SOD2: variants seen among roughly 807,000 people sequenced by gnomAD.
The protein encoded by SOD2 is superoxide dismutase [Mn], mitochondrial.
SOD2 carries 11 observed loss-of-function variants against 27.0 expected under a neutral mutation model. That is an observed-to-expected ratio of 0.41 (90% CI 0.26 to 0.67). The LOEUF is 0.67. Among genes scored for constraint, SOD2 ranks in the 30% least tolerant of loss-of-function variants. The probability of loss-of-function intolerance (pLI) is 0.34; values close to 1 mark genes in which losing one functional copy is unlikely to be tolerated. For synonymous variants in SOD2, 105 were observed against 103.0 expected (o/e 1.02, Z -0.12); for missense variants, 250 against 274.5 (o/e 0.91, Z 0.63).
chr6:159,727,411 C>T (rs1439215195), upstream of SOD2: 4 of 706,246 alleles, frequency 5.7e-6, no homozygotes, highest in Admixed American at 1.4e-4. Flanking sequence ...GAGGCAGTGG[C>T]GCTGGCCTGC....
chr6:159,688,117 T>TA lies in SOD2; in HGVS notation c.343+8dup, dbSNP rs1562421654. 1 of 1,477,740 alleles carries TA rather than the reference T, an allele frequency of 6.8e-7. No individual in the cohort carries two copies. The highest frequency in any genetic ancestry group is 1.1e-5 in the South Asian group (1 of 88,256). The allele number at this position is 1,477,740 out of a possible 1,614,324, so 91.5% of individuals were successfully genotyped here. A position where few individuals can be genotyped will look rare whatever the true frequency, so the allele number is the denominator to read the frequency against. On this transcript the variant is annotated intron_variant, in intron 3 of 4. Coordinates refer to ENST00000538183, the MANE Select transcript of SOD2 (RefSeq NM_000636.4). ...AAATGTAGATAAGGGTGCACCAATA[T>TA]ATACCAACCTTTGGGTTCTCCACCA...
chr6:159,702,826 G>A lies in SOD2; in HGVS notation c.-115-9963C>T, dbSNP rs572056713. ...GATGGCACCACTGCACTCCAGCCTG[G>A]GCGACAGAGCAAGACCCTATCTCGA... is the stretch of plus-strand genomic sequence containing the variant. On this transcript the variant is annotated intron_variant, in intron 1 of 2. Coordinates refer to the SOD2 transcript ENST00000401980. Among the ~76,000 whole-genome samples the A allele has an allele frequency of 2.6e-3, 373 of 143,918 alleles. 2 individuals carry two copies. The highest frequency in any genetic ancestry group is 9.4e-3 in the African/African-American group (358 of 38,214). 94.4% of individuals were successfully genotyped at this position (143,918 alleles called of 152,430 possible).
At chr6:159,740,194 T>G (rs1279467605) in intron 1 of SOD2, among the ~76,000 whole-genome samples, 1 of 152,124 alleles carries the variant, frequency 6.6e-6, no homozygotes, top group African/African-American at 2.4e-5. Context: ...TTTTAATGCC[T>G]TCTTACATAA....
At position 159,682,435 on chromosome 6, in the gene SOD2, T is replaced by G; in HGVS notation, c.*58A>C. On this transcript the variant is annotated 3_prime_UTR_variant, in exon 5 of 5. Coordinates refer to ENST00000538183, the MANE Select transcript of SOD2 (RefSeq NM_000636.4). ...CAGCTTACTGTATTCTGCAGTACTC[T>G]ATACCACTACAAAAACAGTCATAAA... The G allele has an allele frequency of 6.5e-7, 1 of 1,538,108 alleles. No individual in the cohort carries two copies.
chr6:159,717,179 G>A (rs1777935166), intron 1 of SOD2, among the ~76,000 whole-genome samples: 1 of 152,112 alleles, frequency 6.6e-6, no homozygotes, highest in South Asian at 2.1e-4. Flanking sequence ...TTGACTCTGA[G>A]CTACCCATAC....
At chr6:159,755,265 C>G (rs938753307) in intron 1 of SOD2, 5 of 1,614,062 alleles carry the variant, frequency 3.1e-6, no homozygotes, top group Admixed American at 1.7e-5. Context: ...AATGGTAGCT[C>G]CTCCCGCCAG....
intron 1 of SOD2, 62 bp downstream of exon 1, chr6:159,693,083 G>C: frequency 1.3e-6 from 2 of 1,510,942 alleles, no homozygotes; most frequent in Admixed American, 2.1e-5. Context: ...TTGCCGCGGA[G>C]GCCCTGCCCG....
intron 1 of SOD2, among the ~76,000 whole-genome samples, chr6:159,742,900 AAAAG>A (rs1358489708): frequency 1.3e-5 from 2 of 152,254 alleles, no homozygotes; most frequent in Admixed American, 6.5e-5. Flanking sequence ...TACAAAAAAA[AAAAG>A]AGTCAGGAGG....
exon 1 of SOD2, chr6:159,727,348 A>G (rs1320915816): frequency 4.7e-5 from 52 of 1,102,270 alleles, no homozygotes; most frequent in Non-Finnish European, 5.9e-5. Context: ...GTGGGCCAGA[A>G]GGCGAACATG....
upstream of SOD2, chr6:159,727,802 C>G (rs1014939303): frequency 7.0e-6 from 6 of 861,516 alleles, no homozygotes; most frequent in African/African-American, 1.1e-4. Context: ...GGGCAGGGCC[C>G]GAAAGGCCAC....
At position 159,672,855 on chromosome 6, in the gene SOD2, G is replaced by T. The variant is rs184089815; in HGVS notation, c.*9638C>A. The T allele has an allele frequency of 6.6e-6, 1 of 151,588 alleles. No homozygotes were observed. The highest frequency in any genetic ancestry group is 1.5e-5 in the Non-Finnish European group (1 of 67,930). The allele number at this position is 151,588 out of a possible 1,614,324, so 9.4% of individuals were successfully genotyped here. On this transcript the variant is annotated 3_prime_UTR_variant, in exon 5 of 5. Coordinates refer to ENST00000538183, the MANE Select transcript of SOD2 (RefSeq NM_000636.4). ...GCTGTATTCAGGAAACCCATCTCAC[G>T]TACAGAGACACACACACATAGGCTC...
upstream of SOD2, chr6:159,727,678 C>A: frequency 1.0e-6 from 1 of 985,010 alleles, no homozygotes; most frequent in Non-Finnish European, 1.2e-6. Context: ...CGACCGGTGG[C>A]GCCGGCGCGG....
chr6:159,693,251 G>C (rs1403795164), upstream of SOD2: 14 of 1,327,742 alleles, frequency 1.1e-5, no homozygotes, highest in African/African-American at 2.0e-4. Context: ...TGCCGCTCCT[G>C]CGCCGCCCGC....
chr6:159,695,637 G>T (rs1395908437), upstream of SOD2, among the ~76,000 whole-genome samples: 1 of 152,122 alleles, frequency 6.6e-6, no homozygotes, highest in African/African-American at 2.4e-5. Flanking sequence ...TGGAACTACA[G>T]GTGCATACCA....
exon 1 of SOD2, chr6:159,761,826 G>A (rs1276221202): frequency 9.2e-6 from 2 of 216,316 alleles, no homozygotes; most frequent in Non-Finnish European, 1.8e-5. Context: ...CCAGACCCCG[G>A]CCTCACTTCC....
intron 1 of SOD2, chr6:159,741,938 C>T (rs939423143): frequency 8.4e-6 from 5 of 593,926 alleles, no homozygotes; most frequent in Admixed American, 3.3e-5. Flanking sequence ...GGGGACAGAG[C>T]GAGACTCTGT....
At chr6:159,719,037 T>C (rs1180957662) in intron 1 of SOD2, among the ~76,000 whole-genome samples, 1 of 152,062 alleles carries the variant, frequency 6.6e-6, no homozygotes, top group Non-Finnish European at 1.5e-5. Context: ...TTTTTTCCTC[T>C]GTACTTCTGC....
exon 1 of SOD2, chr6:159,762,173 C>T (rs1423607022): frequency 4.4e-6 from 7 of 1,599,254 alleles, no homozygotes; most frequent in Admixed American, 1.7e-5. Flanking sequence ...GCGCAGAGTC[C>T]GAGGCGCCTG....
chr6:159,692,476 A>G (rs921496566), intron 2 of SOD2, 185 bp downstream of exon 2: 2 of 1,443,116 alleles, frequency 1.4e-6, no homozygotes, highest in South Asian at 1.5e-5. Context: ...AAACCCATCG[A>G]GGCACTCCTT....
Sources: gnomAD v4.1 joint callset for allele counts (sites outside exome capture counted in the v4.1 genomes callset) on GRCh38, gnomAD v4.1.1 for gene constraint, MANE v1.5 for transcripts, NCBI Gene and HGNC (gene_info 2026-07-23, HGNC 2026-07-21) for gene names.